The following AKAP6 variants were observed in gnomAD, a reference collection of about 807,000 sequenced individuals.
The protein encoded by AKAP6 is A-kinase anchoring protein 6.
A neutral mutation model predicts 188.5 loss-of-function variants in AKAP6; 58 were observed. The observed-to-expected ratio is 0.31, with a 90% CI of 0.25 to 0.38. AKAP6 has a LOEUF of 0.38. AKAP6 is among the 10% of genes least tolerant of loss of function. The pLI, the probability that AKAP6 is intolerant of heterozygous loss-of-function variation, is 1.00. For missense variants in AKAP6, 2,710 were observed against 2,740.0 expected (o/e 0.99, Z 0.24); for synonymous variants, 989 against 998.6 (o/e 0.99, Z 0.18).
chr14:32,807,262 G>T (rs917286074), intron 12 of AKAP6, among the ~76,000 whole-genome samples: 1 of 151,140 alleles, frequency 6.6e-6, no homozygotes, highest in Non-Finnish European at 1.5e-5. Context: ...GGAGCTCAAG[G>T]CTGTAGTAAA....
chr14:32,365,857 C>T (rs1887814619), intron 1 of AKAP6, among the ~76,000 whole-genome samples: 1 of 152,168 alleles, frequency 6.6e-6, no homozygotes, highest in African/African-American at 2.4e-5. Context: ...GACTTGCTAA[C>T]CACCATTTTT....
At chr14:32,697,951 C>T (rs551142643) in intron 9 of AKAP6, among the ~76,000 whole-genome samples, 26 of 152,150 alleles carry the variant, frequency 1.7e-4, no homozygotes, top group Non-Finnish European at 3.4e-4. Flanking sequence ...TTGTGACTCA[C>T]GTCCTGTCAC....
chr14:32,641,809 T>C (rs1023565002), intron 7 of AKAP6, among the ~76,000 whole-genome samples: 3 of 152,126 alleles, frequency 2.0e-5, no homozygotes, highest in Admixed American at 6.5e-5. Flanking sequence ...AAAAATTCCA[T>C]CTAAGGAAAA....
At chr14:32,415,231 G>C (rs2383300) in intron 1 of AKAP6, among the ~76,000 whole-genome samples, 95,522 of 151,504 alleles carry the variant, frequency 0.63, 32,440 homozygotes, top group Non-Finnish European at 0.76. Flanking sequence ...TCACACGTGT[G>C]TCTTAAGGTT....
chr14:32,678,030 T>C (rs1291992449), intron 7 of AKAP6, among the ~76,000 whole-genome samples: 1 of 152,264 alleles, frequency 6.6e-6, no homozygotes, highest in African/African-American at 2.4e-5. Context: ...AGAATTTTTA[T>C]GTAAAGTCTT....
At chr14:32,409,673 A>G (rs1394762221) in intron 1 of AKAP6, among the ~76,000 whole-genome samples, 1 of 152,222 alleles carries the variant, frequency 6.6e-6, no homozygotes, top group Non-Finnish European at 1.5e-5. Context: ...TCACATAGTA[A>G]TATGGCCTAA....
chr14:32,811,712 A>G (rs1282143349), intron 12 of AKAP6, among the ~76,000 whole-genome samples: 1 of 152,134 alleles, frequency 6.6e-6, no homozygotes, highest in Non-Finnish European at 1.5e-5. Flanking sequence ...TTTACTTGAG[A>G]AGCCTTATAT....
At chr14:32,378,278 C>G (rs185554872) in intron 1 of AKAP6, among the ~76,000 whole-genome samples, 6 of 152,156 alleles carry the variant, frequency 3.9e-5, no homozygotes, top group Admixed American at 3.9e-4. Flanking sequence ...AAATAAACAA[C>G]TATTATTATG....
At chr14:32,403,450 A>G (rs944562641) in intron 1 of AKAP6, 3 of 152,176 alleles carry the variant, frequency 2.0e-5, no homozygotes, top group Non-Finnish European at 4.4e-5. Context: ...GACTGATTGT[A>G]TTTTTTAAAT....
intron 7 of AKAP6, among the ~76,000 whole-genome samples, chr14:32,665,721 A>C (rs546533537): frequency 2.6e-5 from 4 of 152,202 alleles, no homozygotes; most frequent in Non-Finnish European, 5.9e-5. Flanking sequence ...GCAGAAAGTC[A>C]GAGGCTGCCC....
chr14:32,740,255 C>G (rs553500794), intron 11 of AKAP6, among the ~76,000 whole-genome samples: 1 of 152,008 alleles, frequency 6.6e-6, no homozygotes, highest in East Asian at 1.9e-4. Context: ...TGTTTGAGCT[C>G]CTTGTATATT....
intron 12 of AKAP6, among the ~76,000 whole-genome samples, chr14:32,818,998 C>G (rs2034454741): frequency 6.6e-6 from 1 of 152,172 alleles, no homozygotes; most frequent in Non-Finnish European, 1.5e-5. Context: ...GTTCCTACAG[C>G]TGAAGATTTT....
At chr14:32,603,686 G>C (rs1886022348) in intron 7 of AKAP6, among the ~76,000 whole-genome samples, 1 of 152,132 alleles carries the variant, frequency 6.6e-6, no homozygotes, top group Admixed American at 6.5e-5. Context: ...CTGTTGCATT[G>C]TTACTTATAA....
intron 5 of AKAP6, among the ~76,000 whole-genome samples, chr14:32,582,569 T>C (rs1383434714): frequency 6.6e-6 from 1 of 152,204 alleles, no homozygotes; most frequent in Non-Finnish European, 1.5e-5. Context: ...TCCAGGATAA[T>C]ATCCTGCAGA....
intron 11 of AKAP6, among the ~76,000 whole-genome samples, chr14:32,756,566 C>G (rs2139927951): frequency 1.3e-5 from 2 of 152,018 alleles, no homozygotes; most frequent in African/African-American, 4.8e-5. Flanking sequence ...TGGGTTCTAG[C>G]CTGGTACCTG....
chr14:32,384,450 G>A lies in AKAP6; in HGVS notation c.-34-49010G>A, dbSNP rs143868911. 7.9e-5 allele frequency among the ~76,000 whole-genome samples: 12 copies of A among 152,302 alleles called. No individual in the cohort carries two copies. In the East Asian group the frequency reaches 1.9e-3, roughly 25 times the overall value. ...TTTTGTTGTTGCTTAGTCATGTGAG[G>A]AGGAGAGAAGCAAAGGATAGCTGAT... On this transcript the variant is annotated intron_variant, in intron 1 of 13. Coordinates refer to ENST00000280979, the MANE Select transcript of AKAP6 (RefSeq NM_004274.5).
chr14:32,499,966 T>C (rs1384310904), intron 2 of AKAP6, among the ~76,000 whole-genome samples: 1 of 150,708 alleles, frequency 6.6e-6, no homozygotes, highest in Non-Finnish European at 1.5e-5. Flanking sequence ...CAGTAAGAAT[T>C]TGTATTTGTA....
At chr14:32,337,845 T>C (rs1198497971) in intron 1 of AKAP6, among the ~76,000 whole-genome samples, 1 of 151,614 alleles carries the variant, frequency 6.6e-6, no homozygotes, top group African/African-American at 2.4e-5. Flanking sequence ...GAGAAAAAGA[T>C]AACATAACCA....
intron 1 of AKAP6, among the ~76,000 whole-genome samples, chr14:32,335,006 A>G (rs1475362217): frequency 6.6e-6 from 1 of 152,262 alleles, no homozygotes; most frequent in East Asian, 1.9e-4. Flanking sequence ...GCTAGATTGC[A>G]GTAGTGCAAT....
Sources: allele counts gnomAD v4.1 joint callset (sites outside exome capture counted in the v4.1 genomes callset), GRCh38; gene constraint gnomAD v4.1.1; transcripts MANE v1.5; gene names NCBI Gene and HGNC (gene_info 2026-07-23, HGNC 2026-07-21).